Variants in CABP1 observed in about 807,000 individuals in gnomAD.
CABP1 encodes calcium-binding protein 1.
CABP1 carries 17 observed loss-of-function variants against 34.3 expected under a neutral mutation model. The observed-to-expected ratio is 0.50, with a 90% confidence interval of 0.34 to 0.74. The LOEUF is 0.74. CABP1 is among the 30% of genes least tolerant of loss of function. The pLI is 0.01. For missense variants in CABP1, 373 were observed against 511.1 expected (o/e 0.73, Z 2.61); for synonymous variants, 198 against 229.2 (o/e 0.86, Z 1.23).
At chr12:120,650,568 A>G in intron 1 of CABP1, 1 of 1,611,692 alleles carries the variant, frequency 6.2e-7, no homozygotes. Flanking sequence ...ACTGGGACGG[A>G]AGTCCCTCAG....
chr12:120,679,515 T>C, the CABP1 span, among the ~76,000 whole-genome samples: 1 of 152,194 alleles, frequency 6.6e-6, no homozygotes, highest in Non-Finnish European at 1.5e-5. Flanking sequence ...ATGCCTTATA[T>C]CAGTTTTGGA....
At position 120,660,964 on chromosome 12, in the gene CABP1, C is replaced by A; in HGVS notation, c.940-107C>A. ...GGAGGGAGCTTGGACAGAGAAAGGT[C>A]TCTGGTAAAGGGGGGCAATGACACT... On this transcript the variant is annotated intron_variant, in intron 4 of 5. Coordinates refer to ENST00000316803, the MANE Select transcript of CABP1 (RefSeq NM_001033677.2). This position sits in a 1 kb window ranked among gnomAD's most constrained non-coding sequence, Gnocchi z 5.0. The A allele has an allele frequency of 1.4e-6, 2 of 1,436,258 alleles. No individual in the cohort carries two copies. Among genetic ancestry groups the A allele is most frequent in the Non-Finnish European group, 1.9e-6 (2 of 1,038,208 alleles). The allele number at this position is 1,436,258 out of a possible 1,614,324, so 89.0% of individuals were successfully genotyped here.
Position 120,660,803 on chromosome 12 carries a change from T to C in CABP1, c.902T>C (p.Met301Thr). The change falls in exon 4 of 6, where the codon ATG (methionine) becomes ACG (threonine). Residue 301 changes from methionine (M) to threonine (T), a missense_variant. By Grantham distance (81) the Met-to-Thr change is moderately conservative. Around this residue, in one of 4 missense-constraint regions of CABP1, gnomAD observed 109 missense variants for 204.8 expected, o/e 0.53. Coordinates refer to ENST00000316803, the MANE Select transcript of CABP1 (RefSeq NM_001033677.2). This position sits in a 1 kb window ranked among gnomAD's most constrained non-coding sequence, Gnocchi z 5.0. ...GPKLLAETAD[M>T]IGVKELRDAF... ...AAACTCCTGGCAGAGACAGCAGATA[T>C]GATTGGTGTAAAGGAACTGCGAGAT... 6.2e-7 allele frequency: 1 copy of C among 1,613,824 alleles called. No individual in the cohort carries two copies. The highest frequency in any genetic ancestry group is 8.5e-7 in the Non-Finnish European group (1 of 1,179,832).
chr12:120,650,487 G>A (rs1291068520), intron 1 of CABP1: 3 of 1,514,332 alleles, frequency 2.0e-6, no homozygotes, highest in African/African-American at 1.4e-5. Context: ...GAGAGCACGC[G>A]CGCAAGAGAG....
rs532302030 is a variant in CABP1 at position 120,641,084 on chromosome 12, G to C, written c.399G>C (p.Gly133=). The part of the protein sequence containing the change: ...RPAPREEGAR[G]SQRVLPQAHC... ...CGCCGCGAGAGGAGGGCGCGCGGGG[G>C]AGCCAGCGTGTGCTCCCCCAGGCGC... The change falls in exon 1 of 6, where the codon GGG becomes GGC. Residue 133 remains glycine (G), a synonymous_variant. Transcript: ENST00000316803. This position sits in a 1 kb window ranked among gnomAD's most constrained non-coding sequence, Gnocchi z 6.7. The C allele has an allele frequency of 1.4e-3, 1,714 of 1,199,018 alleles. 2 individuals are homozygous for C. Among genetic ancestry groups the C allele is most frequent in the Non-Finnish European group, 1.7e-3 (1,630 of 967,052 alleles). The allele number at this position is 1,199,018 out of a possible 1,614,324, so 74.3% of individuals were successfully genotyped here. A position where few individuals can be genotyped will look rare whatever the true frequency, so the allele number is the denominator to read the frequency against.
At chr12:120,676,138 C>T in the CABP1 span, among the ~76,000 whole-genome samples, 2 of 152,122 alleles carry the variant, frequency 1.3e-5, no homozygotes, top group Non-Finnish European at 2.9e-5. Context: ...ACTCTGCTGT[C>T]CAATATGGTA....
At chr12:120,655,945 T>A in intron 1 of CABP1, 1 of 1,539,748 alleles carries the variant, frequency 6.5e-7, no homozygotes, top group Non-Finnish European at 8.7e-7. Flanking sequence ...ACCAATTTGA[T>A]GCCTGTGCAC....
intron 1 of CABP1, among the ~76,000 whole-genome samples, chr12:120,648,903 G>A (rs1879674985): frequency 6.6e-6 from 1 of 151,108 alleles, no homozygotes; most frequent in African/African-American, 2.4e-5. Flanking sequence ...AAAGAAGCTG[G>A]CAGAGCTAGA....
rs768364969 is a variant in CABP1, at chr12:120,655,826, C to CGTGT, written c.655-4049_655-4048insTGTG. 36 of 1,417,918 alleles carry CGTGT rather than the reference C, an allele frequency of 2.5e-5. No individual in the cohort carries two copies. In the African/African-American group the frequency reaches 2.7e-4, roughly 11 times the overall value. The allele number at this position is 1,417,918 out of a possible 1,614,324, so 87.8% of individuals were successfully genotyped here. A position where few individuals can be genotyped will look rare whatever the true frequency, so the allele number is the denominator to read the frequency against. ...GTGCATATGTATGTGCCAGTGCGTGCGTGCGTGTGTGTGTGTGTGTGTGTG... is the reference window on the plus strand; with the variant it reads ...GTGCATATGTATGTGCCAGTGCGTGCGTGTGTGCGTGTGTGTGTGTGTGTGTGTG... On this transcript the variant is annotated intron_variant, in intron 1 of 5. Transcript: ENST00000316803.
intron 5 of CABP1, among the ~76,000 whole-genome samples, chr12:120,666,636 A>T (rs1313543330): frequency 6.6e-6 from 1 of 152,124 alleles, no homozygotes; most frequent in African/African-American, 2.4e-5. Flanking sequence ...GAGGGCCATG[A>T]GGCTGTGTCA....
downstream of CABP1, chr12:120,667,461 A>G (rs73222800): frequency 0.042 from 6,685 of 158,862 alleles, 205 homozygotes; most frequent in Non-Finnish European, 0.068. Flanking sequence ...TATTTCGAGA[A>G]GAAGTCAAAT....
the CABP1 span, among the ~76,000 whole-genome samples, chr12:120,677,531 G>C: frequency 6.6e-6 from 1 of 151,696 alleles, no homozygotes; most frequent in Admixed American, 6.6e-5. Flanking sequence ...CAAGTAGTTG[G>C]GACTACTGGC....
chr12:120,666,276 C>G (rs1880978080), intron 5 of CABP1, among the ~76,000 whole-genome samples: 1 of 149,626 alleles, frequency 6.7e-6, no homozygotes, highest in Non-Finnish European at 1.5e-5. Context: ...TGAGAGGAGA[C>G]CAGCCTGGCC....
At chr12:120,646,237 CTT>C (rs1446914295) in intron 1 of CABP1, among the ~76,000 whole-genome samples, 1 of 152,206 alleles carries the variant, frequency 6.6e-6, no homozygotes, top group African/African-American at 2.4e-5. Flanking sequence ...CCCTGAGTGT[CTT>C]AGTACCGGGC....
the CABP1 span, among the ~76,000 whole-genome samples, chr12:120,678,065 G>A: frequency 6.6e-6 from 1 of 152,150 alleles, no homozygotes; most frequent in Non-Finnish European, 1.5e-5. Context: ...TCCCTCTGTG[G>A]TCTAACTCCC....
chr12:120,668,184 C>T (rs113715693), downstream of CABP1, among the ~76,000 whole-genome samples: 24,925 of 152,100 alleles, frequency 0.16, 2,154 homozygotes, highest in Middle Eastern at 0.31. Flanking sequence ...CCAGTGTGTG[C>T]GGACAGACAG....
intron 1 of CABP1, chr12:120,659,510 A>G (rs1162598469): frequency 3.2e-5 from 6 of 185,176 alleles, no homozygotes; most frequent in Non-Finnish European, 5.4e-5. Flanking sequence ...TTTTTTTGAG[A>G]CAGGGTCTCA....
In CABP1 at chr12:120,649,607, C is replaced by G. The variant is rs554710840; in HGVS notation, c.654+8268C>G. Reference sequence around the variant, plus strand: ...CACCCCAAGGAAGCTGGGGAGAGGTCTTTGCTGTGGATGAGGCAGGGGGCG... The same window carrying G: ...CACCCCAAGGAAGCTGGGGAGAGGTGTTTGCTGTGGATGAGGCAGGGGGCG... On this transcript the variant is annotated intron_variant, in intron 1 of 5. Coordinates refer to ENST00000316803, the MANE Select transcript of CABP1 (RefSeq NM_001033677.2). 5.9e-5 allele frequency among the ~76,000 whole-genome samples: 9 copies of G among 152,208 alleles called. No homozygotes were observed. In the South Asian group the frequency reaches 1.9e-3, roughly 32 times the overall value.
chr12:120,655,443 AGGG>A (rs1304106055), intron 1 of CABP1: 1 of 704,078 alleles, frequency 1.4e-6, no homozygotes, highest in African/African-American at 1.9e-5. Flanking sequence ...ACGAAAAAGG[AGGG>A]GGCATGTTTC....
Sources: allele counts gnomAD v4.1 joint callset (sites outside exome capture counted in the v4.1 genomes callset), GRCh38; gene constraint gnomAD v4.1.1; regional missense constraint gnomAD v4.1.1; non-coding constraint Gnocchi (gnomAD v3.1); transcripts MANE v1.5; gene names NCBI Gene and HGNC (gene_info 2026-07-23, HGNC 2026-07-21).